The following SPSB4 variants were observed in gnomAD, a reference collection of about 807,000 sequenced individuals.
The protein encoded by SPSB4 is splA/ryanodine receptor domain and SOCS box containing 4, also known as SPRY domain-containing SOCS box protein 4.
SPSB4 carries 21 observed loss-of-function variants against 20.9 expected under a neutral mutation model. The ratio of observed to expected loss-of-function variants is 1.01; its 90% CI spans 0.71 to 1.45. The LOEUF is 1.45. Ranked by LOEUF, SPSB4 falls within the 40% of genes most tolerant of loss-of-function variation. SPSB4 has a pLI of 0.00. For missense variants in SPSB4, 399 were observed against 399.2 expected (o/e 1.00, Z 0.00); for synonymous variants, 207 against 183.8 (o/e 1.13, Z -1.02).
At chr3:141,108,391 A>G (rs894325517) in intron 2 of SPSB4, among the ~76,000 whole-genome samples, 5 of 152,126 alleles carry the variant, frequency 3.3e-5, no homozygotes, top group Admixed American at 2.0e-4. Context: ...TCCCTTCCTA[A>G]TTGTATTTTG....
chr3:141,073,961 C>T (rs113571861), intron 2 of SPSB4, among the ~76,000 whole-genome samples: 5,516 of 152,262 alleles, frequency 0.036, 337 homozygotes, highest in African/African-American at 0.13. Context: ...GAAAAGGCCT[C>T]GATCAGATGC....
chr3:141,077,762 G>T (rs1044862972), intron 2 of SPSB4, among the ~76,000 whole-genome samples: 2 of 152,196 alleles, frequency 1.3e-5, no homozygotes, highest in African/African-American at 4.8e-5. Flanking sequence ...CTTATGCAGA[G>T]GCCAGGCCAG....
chr3:141,112,001 G>A (rs1283859974), intron 2 of SPSB4, among the ~76,000 whole-genome samples: 2 of 152,124 alleles, frequency 1.3e-5, no homozygotes, highest in Non-Finnish European at 2.9e-5. Flanking sequence ...AATTTCATTT[G>A]GCAAAGGGTT....
intron 2 of SPSB4, among the ~76,000 whole-genome samples, chr3:141,082,880 C>T (rs1938265640): frequency 1.3e-5 from 2 of 152,292 alleles, no homozygotes; most frequent in East Asian, 1.9e-4. Context: ...TGATGAGCTG[C>T]ACCAGGCTTT....
At chr3:141,053,609 G>A (rs542423665) in intron 1 of SPSB4, among the ~76,000 whole-genome samples, 121 of 152,166 alleles carry the variant, frequency 8.0e-4, no homozygotes, top group Non-Finnish European at 1.4e-3. Context: ...GATTCCTGAG[G>A]TCAACAAACA....
intron 2 of SPSB4, among the ~76,000 whole-genome samples, chr3:141,105,924 C>T (rs1402053190): frequency 6.6e-6 from 1 of 152,210 alleles, no homozygotes; most frequent in Non-Finnish European, 1.5e-5. Flanking sequence ...TCCGTGATGG[C>T]CACTTAAAAT....
At chr3:141,135,603 T>G (rs1939214331) in intron 2 of SPSB4, among the ~76,000 whole-genome samples, 1 of 152,062 alleles carries the variant, frequency 6.6e-6, no homozygotes, top group Non-Finnish European at 1.5e-5. Flanking sequence ...TTTGGTTTTT[T>G]GTCCTTGTGA....
chr3:141,058,159 A>G (rs934964691), intron 1 of SPSB4, among the ~76,000 whole-genome samples: 2 of 152,204 alleles, frequency 1.3e-5, no homozygotes, highest in Admixed American at 6.5e-5. Context: ...TATTGAGCTC[A>G]GCTAGACAGG....
chr3:141,108,350 A>C (rs952899289), intron 2 of SPSB4, among the ~76,000 whole-genome samples: 1 of 152,226 alleles, frequency 6.6e-6, no homozygotes, highest in Non-Finnish European at 1.5e-5. Flanking sequence ...TGCTGGGCGC[A>C]TGTACTGAGA....
chr3:141,096,787 A>G (rs1938553125), intron 2 of SPSB4, among the ~76,000 whole-genome samples: 2 of 152,208 alleles, frequency 1.3e-5, no homozygotes, highest in African/African-American at 2.4e-5. Context: ...AAACATATTA[A>G]TTTTAACTTT....
At chr3:141,106,941 C>T (rs1938699081) in intron 2 of SPSB4, among the ~76,000 whole-genome samples, 1 of 152,198 alleles carries the variant, frequency 6.6e-6, no homozygotes, top group Non-Finnish European at 1.5e-5. Flanking sequence ...TTCTCAGGTC[C>T]CCAAATGACT....
intron 2 of SPSB4, among the ~76,000 whole-genome samples, chr3:141,112,823 A>G (rs943128475): frequency 4.6e-5 from 7 of 151,976 alleles, no homozygotes; most frequent in Non-Finnish European, 8.8e-5. Context: ...AGCAGAGCCC[A>G]TGGACGGACC....
At chr3:141,115,489 G>A (rs1264965964) in intron 2 of SPSB4, among the ~76,000 whole-genome samples, 1 of 152,172 alleles carries the variant, frequency 6.6e-6, no homozygotes, top group Non-Finnish European at 1.5e-5. Flanking sequence ...CCTGCCCATA[G>A]CTTACACCTG....
chr3:141,098,002 G>T (rs1283940234), intron 2 of SPSB4, among the ~76,000 whole-genome samples: 4 of 152,150 alleles, frequency 2.6e-5, no homozygotes, highest in Non-Finnish European at 2.9e-5. Context: ...GACATCTAAG[G>T]TCACATGGGC....
chr3:141,115,847 A>G (rs1452611774), intron 2 of SPSB4, among the ~76,000 whole-genome samples: 3 of 152,188 alleles, frequency 2.0e-5, no homozygotes, highest in Non-Finnish European at 2.9e-5. Context: ...TAATTGGATC[A>G]TTTGACTAAA....
At chr3:141,145,733 A>T (rs946483675) in intron 2 of SPSB4, among the ~76,000 whole-genome samples, 33 of 152,190 alleles carry the variant, frequency 2.2e-4, no homozygotes, top group African/African-American at 7.2e-4. Context: ...GCCTGTACAA[A>T]CCATACCAGA....
chr3:141,144,561 G>A (rs1939382160), intron 2 of SPSB4, among the ~76,000 whole-genome samples: 1 of 152,194 alleles, frequency 6.6e-6, no homozygotes, highest in South Asian at 2.1e-4. Context: ...CCACAGTGGG[G>A]GCAGGAACTC....
Position 141,103,879 on chromosome 3 carries a change from T to C in SPSB4, c.694+37081T>C, listed in dbSNP as rs1938650063. Among the ~76,000 whole-genome samples the C allele has an allele frequency of 2.0e-5, 3 of 151,936 alleles. No homozygotes were observed. In the South Asian group the frequency reaches 6.3e-4, roughly 32 times the overall value. ...TCTGAATCCTCCAGAATGGATTCAG[T>C]TATGTTTAGGGTGATTAGTTCAAGA... On this transcript the variant is annotated intron_variant, in intron 2 of 2. Transcript: ENST00000310546.
chr3:141,060,055 G>C (rs1342993571), intron 1 of SPSB4, among the ~76,000 whole-genome samples: 2 of 152,170 alleles, frequency 1.3e-5, no homozygotes, highest in African/African-American at 4.8e-5. Flanking sequence ...GCCCTGTACT[G>C]GGGGAGCAGC....
Sources: allele counts gnomAD v4.1 joint callset (sites outside exome capture counted in the v4.1 genomes callset), GRCh38; gene constraint gnomAD v4.1.1; transcripts MANE v1.5; gene names NCBI Gene and HGNC (gene_info 2026-07-23, HGNC 2026-07-21).